MMP19: variants seen among roughly 807,000 people sequenced by gnomAD.
MMP19 encodes matrix metallopeptidase 19.
Under a neutral mutation model 46.6 loss-of-function variants are expected in MMP19, and 47 were observed. The ratio of observed to expected loss-of-function variants is 1.01; its 90% CI spans 0.80 to 1.29. MMP19 has a LOEUF of 1.29. Ranked by LOEUF, MMP19 falls within the 50% of genes most tolerant of loss-of-function variation. The pLI, the probability that MMP19 is intolerant of heterozygous loss-of-function variation, is 0.00. For synonymous variants in MMP19, 222 were observed against 248.5 expected (o/e 0.89, Z 1.00); for missense variants, 589 against 643.5 (o/e 0.92, Z 0.92).
Position 55,839,647 on chromosome 12 carries a change from G to A in MMP19, c.615C>T (p.Asn205=). 1 of 1,614,234 alleles carries A rather than the reference G, an allele frequency of 6.2e-7. No homozygotes were observed. The highest frequency in any genetic ancestry group is 8.5e-7 in the Non-Finnish European group (1 of 1,180,040). Residue 205 remains asparagine (N), a synonymous_variant, in exon 5 of 9, where the codon AAC becomes AAT. Transcript: ENST00000322569. The part of the protein sequence containing the change: ...FWTEGTYRGV[N]LRIIAAHEVG... ...CTTCATGGGCTGCAATGATGCGCAG[G>A]TTCACCCCACGGTAGGTCCCCTCAG...
At position 55,836,704 on chromosome 12, in the gene MMP19, C is replaced by T. The variant is rs1881235236; in HGVS notation, c.*332G>A. The T allele has an allele frequency of 4.9e-6, 1 of 202,304 alleles. No individual in the cohort carries two copies. 12.5% of individuals were successfully genotyped at this position (202,304 alleles called of 1,614,324 possible). On this transcript the variant is annotated 3_prime_UTR_variant, in exon 9 of 9. Transcript: ENST00000322569. ...AAGAACAGGACCCAGGCATCTCCCT[C>T]CACCATTGACCTCCAGAGAAGAGAT...
chr12:55,842,511 G>T, intron 1 of MMP19, 73 bp from the exon 2 acceptor site: 1 of 1,206,654 alleles, frequency 8.3e-7, no homozygotes, highest in East Asian at 2.3e-5. Context: ...TGACCTAACA[G>T]ATCCATCAGG....
intron 2 of MMP19, among the ~76,000 whole-genome samples, chr12:55,841,848 AC>A (rs17844790): frequency 0.025 from 3,873 of 152,208 alleles, 94 homozygotes; most frequent in Non-Finnish European, 0.042. Flanking sequence ...CTGAATGGAT[AC>A]CCGTCCCAGC....
Position 55,840,690 on chromosome 12 carries a change from C to T in MMP19, c.497G>A (p.Cys166Tyr). ...LSFHGRQSSY[C>Y]SNTFDGPGRV... is the part of the protein sequence containing the mutation. ...ACCAGGCCCATCAAAAGTATTGGAACAGTACGAGCTTTGGCGGCCATGGAA... is the reference window on the plus strand; with the variant it reads ...ACCAGGCCCATCAAAAGTATTGGAATAGTACGAGCTTTGGCGGCCATGGAA... Residue 166 changes from cysteine to tyrosine, a missense_variant, in exon 4 of 9, where the codon TGT (cysteine) becomes TAT (tyrosine). Coordinates refer to ENST00000322569, the MANE Select transcript of MMP19 (RefSeq NM_002429.6). The T allele has an allele frequency of 4.3e-6, 7 of 1,613,930 alleles. No individual in the cohort carries two copies. Among genetic ancestry groups the T allele is most frequent in the Non-Finnish European group, 5.9e-6 (7 of 1,179,942 alleles).
chr12:55,841,350 C>T (rs1881681704), intron 2 of MMP19, 114 bp from the exon 3 acceptor site: 2 of 1,224,690 alleles, frequency 1.6e-6, no homozygotes, highest in Non-Finnish European at 2.3e-6. Flanking sequence ...AGCACAGAAT[C>T]CCTGAAGCTG....
Position 55,841,175 on chromosome 12 carries a change from G to T in MMP19, c.235C>A (p.Arg79Ser), listed in dbSNP as rs765387075. ...SGQLDDATRA[R>S]MRQPRCGLED... The stretch of plus-strand genomic sequence containing the variant: ...AGGCCACAACGAGGCTGCCTCATGC[G>T]GGCCCTTGTGGCATCATCCAGCTGA... Residue 79 changes from arginine (R) to serine (S), a missense_variant, in exon 3 of 9, where the codon CGC (arginine) becomes AGC (serine). Arg to Ser is a moderately radical substitution (Grantham distance 110). Coordinates refer to ENST00000322569, the MANE Select transcript of MMP19 (RefSeq NM_002429.6). 1 of 1,613,880 alleles carries T rather than the reference G, an allele frequency of 6.2e-7. No individual in the cohort carries two copies. The highest frequency in any genetic ancestry group is 1.7e-4 in the Middle Eastern group (1 of 5,952).
At position 55,840,731 on chromosome 12, in the gene MMP19, AGCCGCACCAGCCTGCAC is replaced by A; in HGVS notation, c.439_455del (p.Val147Ter). The stretch of plus-strand genomic sequence containing the variant: ...GGCCATGGAAGGAGAGGCGGATGTC[AGCCGCACCAGCCTGCAC>A]CTCTTGGAAGGTCAAGGGAGCCACA... On this transcript the variant is annotated frameshift_variant, in exon 4 of 9. Transcript: ENST00000322569. LOFTEE classifies it high-confidence loss of function. 4 of 1,614,096 alleles carry A rather than the reference AGCCGCACCAGCCTGCAC, an allele frequency of 2.5e-6. No individual in the cohort carries two copies. Among genetic ancestry groups the A allele is most frequent in the Non-Finnish European group, 3.4e-6 (4 of 1,179,992 alleles).
Position 55,839,654 on chromosome 12 carries a change from C to T in MMP19, c.608G>A (p.Gly203Glu). 6.2e-7 allele frequency: 1 copy of T among 1,614,256 alleles called. No homozygotes were observed. The highest frequency in any genetic ancestry group is 1.6e-4 in the Middle Eastern group (1 of 6,062). Reference protein sequence around the residue: ...DEFWTEGTYRGVNLRIIAAHE... With the variant: ...DEFWTEGTYREVNLRIIAAHE... ...GGCTGCAATGATGCGCAGGTTCACC[C>T]CACGGTAGGTCCCCTCAGTCCAGAA... Residue 203 changes from glycine (G) to glutamate (E), a missense_variant, in exon 5 of 9, where the codon GGG (glycine) becomes GAG (glutamate). Coordinates refer to ENST00000322569, the MANE Select transcript of MMP19 (RefSeq NM_002429.6).
At chr12:55,842,301 A>C in intron 2 of MMP19, 52 bp downstream of exon 2, 1 of 1,447,782 alleles carries the variant, frequency 6.9e-7, no homozygotes, top group East Asian at 2.3e-5. Context: ...GATGAGAAGG[A>C]AGAAGACCTT....
rs781655139 is a variant in MMP19, at chr12:55,840,722, G to A, written c.465C>T (p.Arg155=). 6.2e-7 allele frequency: 1 copy of A among 1,614,056 alleles called. No individual in the cohort carries two copies. The highest frequency in any genetic ancestry group is 1.3e-5 in the African/African-American group (1 of 75,010). ...AGCTTTGGCGGCCATGGAAGGAGAG[G>A]CGGATGTCAGCCGCACCAGCCTGCA... ...QEVQAGAADI[R]LSFHGRQSSY... The change falls in exon 4 of 9, where the codon CGC becomes CGT. Residue 155 remains arginine (R), a synonymous_variant. Coordinates refer to ENST00000322569, the MANE Select transcript of MMP19 (RefSeq NM_002429.6).
chr12:55,842,027 G>C (rs976541760), intron 2 of MMP19, among the ~76,000 whole-genome samples: 1 of 152,078 alleles, frequency 6.6e-6, no homozygotes, highest in Non-Finnish European at 1.5e-5. Flanking sequence ...GCCCACAAAA[G>C]GTAATAGCAT....
rs781655139 is a variant in MMP19, at chr12:55,840,722, G to C, written c.465C>G (p.Arg155=). 6.8e-6 allele frequency: 11 copies of C among 1,613,938 alleles called. No individual in the cohort carries two copies. The East Asian group carries it at 2.5e-4, about 36-fold the overall frequency. ...QEVQAGAADI[R]LSFHGRQSSY... ...AGCTTTGGCGGCCATGGAAGGAGAG[G>C]CGGATGTCAGCCGCACCAGCCTGCA... The change falls in exon 4 of 9, where the codon CGC becomes CGG. Residue 155 remains arginine, a synonymous_variant. Coordinates refer to ENST00000322569, the MANE Select transcript of MMP19 (RefSeq NM_002429.6).
intron 2 of MMP19, 128 bp downstream of exon 2, chr12:55,842,225 G>A (rs1881745998): frequency 8.3e-6 from 6 of 721,688 alleles, no homozygotes; most frequent in Admixed American, 2.3e-5. Context: ...AATAATGATC[G>A]CCACCCATCT....
At chr12:55,837,422 TA>T in intron 8 of MMP19, 48 bp from the exon 9 acceptor site, 7 of 1,575,450 alleles carry the variant, frequency 4.4e-6, no homozygotes, top group Non-Finnish European at 6.0e-6. Context: ...GGAGAGAGCT[TA>T]GGACCCCCAG....
Position 55,835,874 on chromosome 12 carries a change from GA to G in MMP19, c.*1161del, listed in dbSNP as rs1881176187. 1 of 151,928 alleles carries G rather than the reference GA, an allele frequency of 6.6e-6. No homozygotes were observed. The highest frequency in any genetic ancestry group is 2.4e-5 in the African/African-American group (1 of 41,324). 9.4% of individuals were successfully genotyped at this position (151,928 alleles called of 1,614,324 possible). ...CTTCCACTTCTCTCCTCAACCTGGG[GA>G]AGACCACAGGGCAGTGCCTGCCTCA... On this transcript the variant is annotated 3_prime_UTR_variant, in exon 9 of 9. Coordinates refer to ENST00000322569, the MANE Select transcript of MMP19 (RefSeq NM_002429.6).
At chr12:55,840,561 G>A (rs982711952) in intron 4 of MMP19, 106 bp downstream of exon 4, 9 of 1,165,972 alleles carry the variant, frequency 7.7e-6, no homozygotes, top group Admixed American at 6.1e-5. Context: ...TATGGTGCAG[G>A]TGGGATAAAG....
At position 55,837,971 on chromosome 12, in the gene MMP19, T is replaced by G; in HGVS notation, c.932A>C (p.Tyr311Ser). 1.3e-6 allele frequency: 2 copies of G among 1,597,598 alleles called. No homozygotes were observed. Among genetic ancestry groups the G allele is most frequent in the African/African-American group, 2.7e-5 (2 of 74,670 alleles). ...RGKTYAFKGD[Y>S]VWTVSDSGPG... ...TCCTGAATCTGATACAGTCCACACA[T>G]AGTCCCCCTTGAAAGCATAGGTCTT... Residue 311 changes from tyrosine (Y) to serine (S), a missense_variant, in exon 7 of 9, where the codon TAT (tyrosine) becomes TCT (serine). By Grantham distance (144) the Tyr-to-Ser change is moderately radical. Transcript: ENST00000322569.
At chr12:55,837,451 A>T in intron 8 of MMP19, 77 bp from the exon 9 acceptor site, 1 of 1,582,350 alleles carries the variant, frequency 6.3e-7, no homozygotes, top group Middle Eastern at 1.9e-4. Flanking sequence ...CCCCCAGCCC[A>T]CTGCAGCTGC....
At chr12:55,838,474 A>T in intron 6 of MMP19, 132 bp downstream of exon 6, 4 of 1,599,648 alleles carry the variant, frequency 2.5e-6, no homozygotes, top group Non-Finnish European at 3.4e-6. Context: ...GTCTCCTTCC[A>T]TGGTCATTAA....
Sources: gnomAD v4.1 joint callset for allele counts (sites outside exome capture counted in the v4.1 genomes callset) on GRCh38, gnomAD v4.1.1 for gene constraint, MANE v1.5 for transcripts, NCBI Gene and HGNC (gene_info 2026-07-23, HGNC 2026-07-21) for gene names.